Variants in TNR observed in about 807,000 individuals in gnomAD.
TNR encodes the protein tenascin-R.
A neutral mutation model predicts 150.4 loss-of-function variants in TNR; 45 were observed. That is an observed-to-expected ratio of 0.30 (90% CI 0.24 to 0.38). The LOEUF is 0.38. Ranked by LOEUF, TNR falls within the 10% of genes least tolerant of loss-of-function variation. The pLI is 1.00. For missense variants in TNR, 1,544 were observed against 1,759.1 expected (o/e 0.88, Z 2.19); for synonymous variants, 687 against 678.4 (o/e 1.01, Z -0.20).
intron 1 of TNR, among the ~76,000 whole-genome samples, chr1:175,563,519 C>T (rs1315862349): frequency 6.6e-6 from 1 of 152,196 alleles, no homozygotes; most frequent in Admixed American, 6.5e-5. Flanking sequence ...GACACAAGCC[C>T]AATTTCTCCC....
At chr1:175,433,389 C>T (rs143972901) in intron 2 of TNR, among the ~76,000 whole-genome samples, 1 of 152,288 alleles carries the variant, frequency 6.6e-6, no homozygotes, top group East Asian at 1.9e-4. Flanking sequence ...ACCTGGGCAC[C>T]ATCATGTTAG....
intron 2 of TNR, among the ~76,000 whole-genome samples, chr1:175,512,374 C>CT (rs1205320201): frequency 6.6e-6 from 1 of 152,130 alleles, no homozygotes; most frequent in Non-Finnish European, 1.5e-5. Context: ...ACAAGGTTTT[C>CT]TTTTTTTATT....
chr1:175,411,287 G>A (rs973150858), intron 2 of TNR, among the ~76,000 whole-genome samples: 2 of 152,136 alleles, frequency 1.3e-5, no homozygotes, highest in Non-Finnish European at 2.9e-5. Context: ...AAGAGGGGAT[G>A]TTAAGCATCA....
chr1:175,391,828 C>T (rs898665768), intron 6 of TNR, among the ~76,000 whole-genome samples: 4 of 152,208 alleles, frequency 2.6e-5, no homozygotes, highest in Admixed American at 1.3e-4. Context: ...AACATGCCCC[C>T]GGCTATTTAG....
At chr1:175,574,910 T>C (rs1286390816) in intron 1 of TNR, among the ~76,000 whole-genome samples, 1 of 152,232 alleles carries the variant, frequency 6.6e-6, no homozygotes, top group Non-Finnish European at 1.5e-5. Context: ...ACTGAGTACC[T>C]ATTATGTACT....
chr1:175,613,889 CTCAA>C (rs1340019341), intron 1 of TNR, among the ~76,000 whole-genome samples: 1 of 152,162 alleles, frequency 6.6e-6, no homozygotes, highest in Non-Finnish European at 1.5e-5. Flanking sequence ...ATCCCATCCC[CTCAA>C]TCAGAGAGAT....
chr1:175,427,700 T>A (rs1655062307), intron 2 of TNR, among the ~76,000 whole-genome samples: 1 of 134,054 alleles, frequency 7.5e-6, no homozygotes, highest in Non-Finnish European at 1.6e-5. Flanking sequence ...CTTCCTTCCT[T>A]CCTTCCCTTC....
intron 2 of TNR, among the ~76,000 whole-genome samples, chr1:175,440,983 G>C (rs2105913): frequency 6.6e-6 from 1 of 151,884 alleles, no homozygotes; most frequent in Non-Finnish European, 1.5e-5. Flanking sequence ...TGGCCATAAA[G>C]GCAAGCTGAT....
At chr1:175,462,044 A>T (rs76345756) in intron 2 of TNR, among the ~76,000 whole-genome samples, 175 of 152,354 alleles carry the variant, frequency 1.1e-3, no homozygotes, top group African/African-American at 4.1e-3. Flanking sequence ...TTGAGACTCA[A>T]ATGAGATCCT....
At chr1:175,736,597 A>C (rs1667779719) in intron 1 of TNR, among the ~76,000 whole-genome samples, 1 of 151,296 alleles carries the variant, frequency 6.6e-6, no homozygotes, top group Non-Finnish European at 1.5e-5. Flanking sequence ...GATGTGTAGG[A>C]ATTTGAAGTC....
chr1:175,625,705 G>A (rs1664130230), intron 1 of TNR, among the ~76,000 whole-genome samples: 2 of 152,172 alleles, frequency 1.3e-5, no homozygotes, highest in South Asian at 4.1e-4. Flanking sequence ...TGCAGAAGTT[G>A]ATTGCAACAG....
At chr1:175,515,295 A>G (rs1317664877) in intron 2 of TNR, among the ~76,000 whole-genome samples, 2 of 152,202 alleles carry the variant, frequency 1.3e-5, no homozygotes, top group Non-Finnish European at 2.9e-5. Context: ...GGAGATGTCA[A>G]TCTAGTTGAA....
intron 2 of TNR, among the ~76,000 whole-genome samples, chr1:175,475,202 A>T (rs933583998): frequency 6.6e-6 from 1 of 151,866 alleles, no homozygotes; most frequent in Non-Finnish European, 1.5e-5. Context: ...GTTCTCATCA[A>T]CTCATGTAGA....
At chr1:175,426,308 T>G (rs968803030) in intron 2 of TNR, among the ~76,000 whole-genome samples, 1 of 152,162 alleles carries the variant, frequency 6.6e-6, no homozygotes, top group Non-Finnish European at 1.5e-5. Context: ...TGTTGCTTCT[T>G]GCTCCTGGGA....
Position 175,390,253 on chromosome 1 carries a change from G to T in TNR, c.1507+1035C>A, listed in dbSNP as rs565605361. Among the ~76,000 whole-genome samples the T allele has an allele frequency of 3.9e-5, 6 of 152,304 alleles. No individual in the cohort carries two copies. In the South Asian group the frequency reaches 1.2e-3, roughly 32 times the overall value. The stretch of plus-strand genomic sequence containing the variant: ...ATGTGGTCTCATTACATTGTGTTGT[G>T]GTTCTCATCTCTGGTCAACTCAGCC... On this transcript the variant is annotated intron_variant, in intron 7 of 22. Transcript: ENST00000367674.
intron 1 of TNR, among the ~76,000 whole-genome samples, chr1:175,602,788 T>A (rs572950825): frequency 1.4e-4 from 22 of 152,332 alleles, no homozygotes; most frequent in African/African-American, 4.8e-4. Flanking sequence ...CTTTCTTCTT[T>A]CAGGTTACAT....
At chr1:175,493,628 C>T (rs539194454) in intron 2 of TNR, among the ~76,000 whole-genome samples, 16 of 152,370 alleles carry the variant, frequency 1.1e-4, no homozygotes, top group Middle Eastern at 3.4e-3. Flanking sequence ...ACCAAAGGTG[C>T]TCCGCACTAA....
chr1:175,710,009 G>T (rs947212851), intron 1 of TNR, among the ~76,000 whole-genome samples: 6 of 152,032 alleles, frequency 3.9e-5, no homozygotes, highest in Non-Finnish European at 7.4e-5. Flanking sequence ...ATTATTCTAA[G>T]AACAATGAGA....
chr1:175,425,343 T>G (rs528911362), intron 2 of TNR, among the ~76,000 whole-genome samples: 3 of 152,298 alleles, frequency 2.0e-5, no homozygotes, highest in African/African-American at 7.2e-5. Flanking sequence ...TACTTAATAA[T>G]GGCATTGATC....
Sources: gnomAD v4.1 joint callset for allele counts (sites outside exome capture counted in the v4.1 genomes callset) on GRCh38, gnomAD v4.1.1 for gene constraint, MANE v1.5 for transcripts, NCBI Gene and HGNC (gene_info 2026-07-23, HGNC 2026-07-21) for gene names.